MMS22L: variants seen among roughly 807,000 people sequenced by gnomAD.
MMS22L encodes protein MMS22-like.
A neutral mutation model predicts 159.1 loss-of-function variants in MMS22L; 74 were observed. That is an observed-to-expected ratio of 0.47 (90% CI 0.39 to 0.56). The LOEUF (loss-of-function observed/expected upper bound fraction) is 0.56. Ranked by LOEUF, MMS22L falls within the 20% of genes least tolerant of loss-of-function variation. MMS22L has a pLI of 0.00. For synonymous variants in MMS22L, 517 were observed against 506.9 expected, an observed-to-expected ratio of 1.02 and a Z score of -0.27; for missense variants, 1,351 against 1,422.1, an observed-to-expected ratio of 0.95 and a Z score of 0.80.
At chr6:97,281,161 T>A in intron 3 of MMS22L, 76 bp downstream of exon 3, 2 of 1,426,784 alleles carry the variant, frequency 1.4e-6, no homozygotes, top group South Asian at 1.4e-5. Flanking sequence ...AATATCAGTA[T>A]TAGAAGCCAC....
At chr6:97,208,175 T>C (rs1287818945) in intron 14 of MMS22L, among the ~76,000 whole-genome samples, 1 of 152,128 alleles carries the variant, frequency 6.6e-6, no homozygotes, top group African/African-American at 2.4e-5. Flanking sequence ...ATCCCAGTCA[T>C]GACTTCAAAA....
chr6:97,211,925 C>T (rs1464769108), intron 14 of MMS22L, among the ~76,000 whole-genome samples: 1 of 152,140 alleles, frequency 6.6e-6, no homozygotes, highest in Admixed American at 6.5e-5. Context: ...TAAAATTCCT[C>T]CCTTCTAATA....
At chr6:97,151,251 A>AT (rs1348341409) in intron 23 of MMS22L, among the ~76,000 whole-genome samples, 1 of 152,186 alleles carries the variant, frequency 6.6e-6, no homozygotes, top group Non-Finnish European at 1.5e-5. Context: ...AAAATACTGC[A>AT]TTTTTACTGT....
chr6:97,271,675 CTTATT>C (rs1369558016), intron 6 of MMS22L: 6 of 152,136 alleles, frequency 3.9e-5, no homozygotes, highest in East Asian at 3.9e-4. Context: ...TTTAATTCTA[CTTATT>C]TTATTTCTTG....
chr6:97,173,694 T>C (rs770099452), intron 18 of MMS22L, among the ~76,000 whole-genome samples: 1 of 152,066 alleles, frequency 6.6e-6, no homozygotes, highest in Non-Finnish European at 1.5e-5. Context: ...TTATATGAAT[T>C]CACTTTTCTT....
Position 97,211,096 on chromosome 6 carries a change from A to G in MMS22L, c.2039+17798T>C, listed in dbSNP as rs116951180. 1.8e-3 allele frequency among the ~76,000 whole-genome samples: 279 copies of G among 152,172 alleles called. 3 individuals carry two copies. In the East Asian group the frequency reaches 0.039, roughly 22 times the overall value. On this transcript the variant is annotated intron_variant, in intron 14 of 24. Transcript: ENST00000683635. Reference sequence around the variant, plus strand: ...GTACTTACTAGCACAGTTCTGGGACACAGAAGCATTCAAAAAACATTTGCT... The same window carrying G: ...GTACTTACTAGCACAGTTCTGGGACGCAGAAGCATTCAAAAAACATTTGCT...
chr6:97,275,303 C>G (rs1170922233), intron 4 of MMS22L, among the ~76,000 whole-genome samples: 1 of 151,758 alleles, frequency 6.6e-6, no homozygotes, highest in East Asian at 1.9e-4. Context: ...CTGAGGCAGG[C>G]GAATCACGAG....
At chr6:97,226,453 G>A (rs959532348) in intron 14 of MMS22L, among the ~76,000 whole-genome samples, 1 of 152,060 alleles carries the variant, frequency 6.6e-6, no homozygotes, top group African/African-American at 2.4e-5. Flanking sequence ...AATTAGCTGT[G>A]CGTGGTAGTG....
intron 14 of MMS22L, among the ~76,000 whole-genome samples, chr6:97,192,601 G>A (rs951341421): frequency 7.2e-5 from 11 of 152,176 alleles, no homozygotes; most frequent in Admixed American, 3.3e-4. Context: ...TGTTCTTAGA[G>A]GCATTCGAAC....
At chr6:97,282,105 G>A (rs999976463) in intron 2 of MMS22L, among the ~76,000 whole-genome samples, 3 of 152,140 alleles carry the variant, frequency 2.0e-5, no homozygotes, top group Non-Finnish European at 4.4e-5. Flanking sequence ...AGTTACCAAG[G>A]AAGTTTTCCC....
intron 18 of MMS22L, among the ~76,000 whole-genome samples, chr6:97,175,954 A>G (rs1487514915): frequency 6.6e-6 from 1 of 152,208 alleles, no homozygotes; most frequent in Admixed American, 6.5e-5. Flanking sequence ...TGCAACTCAA[A>G]TAATCACACA....
At chr6:97,239,640 C>T (rs926440782) in intron 11 of MMS22L, among the ~76,000 whole-genome samples, 2 of 152,084 alleles carry the variant, frequency 1.3e-5, no homozygotes, top group East Asian at 1.9e-4. Context: ...AGGCTGGGTG[C>T]GGTGGCTCCC....
chr6:97,162,008 G>A lies in MMS22L; in HGVS notation c.3379C>T (p.Pro1127Ser). 4.4e-6 allele frequency: 7 copies of A among 1,607,236 alleles called. No homozygotes were observed. The highest frequency in any genetic ancestry group is 5.9e-6 in the Non-Finnish European group (7 of 1,177,786). Residue 1127 changes from proline (P) to serine (S), a missense_variant, in exon 22 of 25, where the codon CCA becomes TCA. By Grantham distance (74) the Pro-to-Ser change is moderately conservative. Coordinates refer to ENST00000683635, the MANE Select transcript of MMS22L (RefSeq NM_001350599.2). ...ILKCLVLVSE[P>S]QVKRLATENL... ...AATAAGCTTACAAACAAACCTTGTG[G>A]TTCACTGACTAACACCAAGCATTTT...
intron 22 of MMS22L, among the ~76,000 whole-genome samples, chr6:97,158,199 T>C (rs1802058373): frequency 6.6e-6 from 1 of 152,086 alleles, no homozygotes; most frequent in Admixed American, 6.6e-5. Flanking sequence ...ATCTATTTGA[T>C]TCTTCTCTCT....
intron 11 of MMS22L, among the ~76,000 whole-genome samples, chr6:97,243,970 C>G (rs896979726): frequency 6.6e-6 from 1 of 152,036 alleles, no homozygotes; most frequent in Non-Finnish European, 1.5e-5. Flanking sequence ...GTGGAGGTAG[C>G]AGGGGAGTGA....
intron 11 of MMS22L, among the ~76,000 whole-genome samples, chr6:97,236,856 T>G (rs1270813984): frequency 6.6e-6 from 1 of 150,524 alleles, no homozygotes; most frequent in Non-Finnish European, 1.5e-5. Flanking sequence ...AAGGCTGAGG[T>G]AGGAGAATGG....
At chr6:97,171,852 T>C (rs937598302) in intron 19 of MMS22L, among the ~76,000 whole-genome samples, 2 of 152,202 alleles carry the variant, frequency 1.3e-5, no homozygotes, top group African/African-American at 4.8e-5. Context: ...TCTTTCTCTG[T>C]TTTATTCTAA....
chr6:97,155,621 C>T (rs762826590), intron 22 of MMS22L, among the ~76,000 whole-genome samples: 3 of 152,110 alleles, frequency 2.0e-5, no homozygotes, highest in African/African-American at 4.8e-5. Context: ...GTTTCACCCA[C>T]GTCCCTGCAA....
At chr6:97,212,174 C>A (rs186525080) in intron 14 of MMS22L, among the ~76,000 whole-genome samples, 1 of 152,270 alleles carries the variant, frequency 6.6e-6, no homozygotes, top group African/African-American at 2.4e-5. Flanking sequence ...TGATTTTATG[C>A]ATCTCTACTT....
Sources: gnomAD v4.1 joint callset for allele counts (sites outside exome capture counted in the v4.1 genomes callset) on GRCh38, gnomAD v4.1.1 for gene constraint, MANE v1.5 for transcripts, NCBI Gene and HGNC (gene_info 2026-07-23, HGNC 2026-07-21) for gene names.